ARL15: variants seen among roughly 807,000 people sequenced by gnomAD.
The protein encoded by ARL15 is ADP-ribosylation factor-like protein 15.
ARL15 carries 19 observed loss-of-function variants against 25.2 expected under a neutral mutation model. The observed-to-expected ratio is 0.75, with a 90% CI of 0.53 to 1.10. ARL15 has a LOEUF of 1.10. Among genes scored for constraint, ARL15 ranks in the 50% least tolerant of loss-of-function variants. ARL15 has a pLI of 0.00. For synonymous variants in ARL15, 94 were observed against 86.8 expected, an observed-to-expected ratio of 1.08 and a Z score of -0.46; for missense variants, 220 against 246.0, an observed-to-expected ratio of 0.89 and a Z score of 0.71.
At chr5:54,095,251 C>T (rs537694708) in intron 4 of ARL15, among the ~76,000 whole-genome samples, 3 of 152,030 alleles carry the variant, frequency 2.0e-5, no homozygotes, top group South Asian at 2.1e-4. Flanking sequence ...ATGACAAGGC[C>T]GCCTTTTAAA....
rs34653736 is a variant in ARL15 at position 54,271,905 on chromosome 5, C to CATTTATTTATTTATTT, written c.48+38511_48+38526dup. On this transcript the variant is annotated intron_variant, in intron 1 of 4. Transcript: ENST00000504924. ...ATATTAATCTATTGGCTGTGCTTAACATTTATTTATTTATTTATTTATTTA... is the reference window on the plus strand; with the variant it reads ...ATATTAATCTATTGGCTGTGCTTAACATTTATTTATTTATTTATTTATTTATTTATTTATTTATTTA... 4.1e-5 allele frequency among the ~76,000 whole-genome samples: 6 copies of CATTTATTTATTTATTT among 146,298 alleles called. No homozygotes were observed. The East Asian group carries it at 8.3e-4, about 20-fold the overall frequency.
chr5:54,075,389 C>T (rs1751562924), intron 4 of ARL15: 1 of 153,370 alleles, frequency 6.5e-6, no homozygotes, highest in African/African-American at 2.4e-5. Context: ...ATTTTTCTAT[C>T]ACGGTCATTT....
chr5:54,136,945 A>C (rs1489004326), intron 3 of ARL15, among the ~76,000 whole-genome samples: 4 of 150,162 alleles, frequency 2.7e-5, no homozygotes, highest in Non-Finnish European at 5.9e-5. Context: ...CAGTCACTAC[A>C]CTCTTGCCTG....
At chr5:54,050,473 T>A (rs1750673060) in intron 4 of ARL15, among the ~76,000 whole-genome samples, 1 of 152,142 alleles carries the variant, frequency 6.6e-6, no homozygotes, top group Non-Finnish European at 1.5e-5. Flanking sequence ...GGCTAGTGAG[T>A]ATAGGCAATT....
intron 4 of ARL15, among the ~76,000 whole-genome samples, chr5:54,097,526 A>G (rs1415643373): frequency 1.3e-5 from 2 of 152,234 alleles, no homozygotes; most frequent in African/African-American, 4.8e-5. Context: ...TGGTAGTCAA[A>G]TACAAGCATA....
In ARL15 at chr5:54,310,324, G is replaced by A. The variant is rs898260417; in HGVS notation, c.48+108C>T. On this transcript the variant is annotated intron_variant, in intron 1 of 4. Coordinates refer to ENST00000504924, the MANE Select transcript of ARL15 (RefSeq NM_019087.3). ...CGGCTGCGGGAGAAAGAACCCCAGA[G>A]GCATCCTATCCCAAAGAAAGAAAGC... is the stretch of plus-strand genomic sequence containing the variant. The A allele has an allele frequency of 4.0e-6, 5 of 1,262,582 alleles. No homozygotes were observed. In the African/African-American group the frequency reaches 6.1e-5, roughly 15 times the overall value. The allele number at this position is 1,262,582 out of a possible 1,614,324, so 78.2% of individuals were successfully genotyped here.
intron 4 of ARL15, among the ~76,000 whole-genome samples, chr5:54,092,711 C>T (rs1349766321): frequency 6.6e-6 from 1 of 152,202 alleles, no homozygotes; most frequent in African/African-American, 2.4e-5. Flanking sequence ...CCTCGAGAGG[C>T]TGCTCTCTCC....
chr5:54,284,168 A>G (rs1448086882), intron 1 of ARL15, among the ~76,000 whole-genome samples: 1 of 152,158 alleles, frequency 6.6e-6, no homozygotes. Flanking sequence ...CAGTGGTGCA[A>G]TCTGGAATTA....
Position 54,154,576 on chromosome 5 carries a change from A to G in ARL15, c.253+4T>C. ...AGACATAGAAATGATTTGAAATGTT[A>G]TACCTCCAAGTTCTTTTACATTCAA... is the stretch of plus-strand genomic sequence containing the variant. On this transcript the variant is annotated splice_donor_region_variant and intron_variant, in intron 3 of 4. Coordinates refer to ENST00000504924, the MANE Select transcript of ARL15 (RefSeq NM_019087.3). The G allele has an allele frequency of 6.6e-7, 1 of 1,517,718 alleles. No homozygotes were observed. Among genetic ancestry groups the G allele is most frequent in the Non-Finnish European group, 8.8e-7 (1 of 1,130,982 alleles). 94.0% of individuals were successfully genotyped at this position (1,517,718 alleles called of 1,614,324 possible).
chr5:54,141,333 G>C (rs774021055), intron 3 of ARL15, among the ~76,000 whole-genome samples: 3 of 150,752 alleles, frequency 2.0e-5, no homozygotes, highest in African/African-American at 2.4e-5. Flanking sequence ...GAAACTGACG[G>C]TTTTCTTTCC....
intron 2 of ARL15, 30 bp downstream of exon 2, chr5:54,171,754 G>A (rs1425319323): frequency 6.3e-7 from 1 of 1,580,918 alleles, no homozygotes; most frequent in South Asian, 1.1e-5. Context: ...TGAGAAAGAA[G>A]AAGGGACAGA....
chr5:54,276,769 T>C (rs562358014), intron 1 of ARL15, among the ~76,000 whole-genome samples: 3 of 152,292 alleles, frequency 2.0e-5, no homozygotes, highest in African/African-American at 7.2e-5. Context: ...GACATGAGTG[T>C]CAGAGTCATA....
chr5:54,201,430 C>T (rs1755719248), intron 1 of ARL15, among the ~76,000 whole-genome samples: 2 of 152,096 alleles, frequency 1.3e-5, no homozygotes, highest in African/African-American at 4.8e-5. Context: ...CTGTGCACTT[C>T]TTTGTGAAAT....
At chr5:53,960,260 T>C (rs1580119804) in intron 4 of ARL15, among the ~76,000 whole-genome samples, 1 of 152,184 alleles carries the variant, frequency 6.6e-6, no homozygotes, top group East Asian at 1.9e-4. Context: ...TCCTGGTGCA[T>C]ATTCTAAAGG....
intron 1 of ARL15, chr5:54,307,935 C>G (rs1254287443): frequency 6.6e-6 from 1 of 152,150 alleles, no homozygotes; most frequent in South Asian, 2.1e-4. Flanking sequence ...ATGAAAGGAG[C>G]ATTTTTTTTC....
intron 1 of ARL15, among the ~76,000 whole-genome samples, chr5:54,273,122 C>T (rs185977799): frequency 1.5e-4 from 23 of 152,226 alleles, no homozygotes; most frequent in African/African-American, 5.1e-4. Flanking sequence ...ACTAAACTTA[C>T]ATAGTCCCAT....
At position 54,180,584 on chromosome 5, in the gene ARL15, A is replaced by G. The variant is rs1327488152; in HGVS notation, c.49-8656T>C. On this transcript the variant is annotated intron_variant, in intron 1 of 4. Coordinates refer to ENST00000504924, the MANE Select transcript of ARL15 (RefSeq NM_019087.3). ...GAAAAAAACAACAAATTGTTTTTAT[A>G]GAAGGTGGGTCAAACCTTTCAGCCA... 5.3e-5 allele frequency among the ~76,000 whole-genome samples: 8 copies of G among 152,232 alleles called. No individual in the cohort carries two copies. The East Asian group carries it at 7.7e-4, about 15-fold the overall frequency.
In ARL15 at chr5:54,262,659, G is replaced by A. The variant is rs566916032; in HGVS notation, c.48+47773C>T. On this transcript the variant is annotated intron_variant, in intron 1 of 4. Coordinates refer to ENST00000504924, the MANE Select transcript of ARL15 (RefSeq NM_019087.3). The stretch of plus-strand genomic sequence containing the variant: ...AAGTAAAATAATGGCAAAGTATACT[G>A]ATCCTTTTGCCAAGCAGAGCTGAGA... Among the ~76,000 whole-genome samples the A allele has an allele frequency of 1.2e-3, 181 of 152,128 alleles. 1 individual carries two copies. Among genetic ancestry groups the A allele is most frequent in the Non-Finnish European group, 1.8e-3 (119 of 67,998 alleles).
chr5:54,009,979 G>C (rs1749180212), intron 4 of ARL15, among the ~76,000 whole-genome samples: 1 of 151,890 alleles, frequency 6.6e-6, no homozygotes, highest in Admixed American at 6.6e-5. Context: ...TCTTTACTGA[G>C]GAAAAAAACA....
Sources: gnomAD v4.1 joint callset for allele counts (sites outside exome capture counted in the v4.1 genomes callset) on GRCh38, gnomAD v4.1.1 for gene constraint, MANE v1.5 for transcripts, NCBI Gene and HGNC (gene_info 2026-07-23, HGNC 2026-07-21) for gene names.